The following EIF2AK3 variants were observed in gnomAD, a reference collection of about 807,000 sequenced individuals.
EIF2AK3 encodes the protein eukaryotic translation initiation factor 2-alpha kinase 3.
EIF2AK3 carries 50 observed loss-of-function variants against 113.5 expected under a neutral mutation model. The ratio of observed to expected loss-of-function variants is 0.44; its 90% confidence interval spans 0.35 to 0.56. EIF2AK3 has a LOEUF of 0.56. Among genes scored for constraint, EIF2AK3 ranks in the 20% least tolerant of loss-of-function variants. EIF2AK3 has a pLI of 0.00. For synonymous variants in EIF2AK3, 448 were observed against 495.4 expected (o/e 0.90, Z 1.27); for missense variants, 1,185 against 1,378.0 (o/e 0.86, Z 2.22).
rs533135276 is a variant in EIF2AK3, at chr2:88,557,371, CAG to C, written c.*363_*364del. 89 of 241,418 alleles carry C rather than the reference CAG, an allele frequency of 3.7e-4. No homozygotes were observed. Among genetic ancestry groups the C allele is most frequent in the South Asian group, 5.1e-4 (8 of 15,740 alleles). The allele number at this position is 241,418 out of a possible 1,614,324, so 15.0% of individuals were successfully genotyped here. A position where few individuals can be genotyped will look rare whatever the true frequency, so the allele number is the denominator to read the frequency against. On this transcript the variant is annotated 3_prime_UTR_variant, in exon 17 of 17. Coordinates refer to ENST00000303236, the MANE Select transcript of EIF2AK3 (RefSeq NM_004836.7). ...TTTCTAGAACAATACAGTTACCACA[CAG>C]GGGGACTTTCCTTCTTCTGCATTAT...
At chr2:88,612,745 A>C (rs1329293896) in intron 2 of EIF2AK3, among the ~76,000 whole-genome samples, 1 of 152,198 alleles carries the variant, frequency 6.6e-6, no homozygotes, top group Non-Finnish European at 1.5e-5. Context: ...ACCAATATTC[A>C]GGTCATTCTC....
chr2:88,626,850 C>T, intron 1 of EIF2AK3, 117 bp downstream of exon 1: 9 of 1,380,572 alleles, frequency 6.5e-6, no homozygotes, highest in South Asian at 1.3e-5. Context: ...CGCCAGCTGC[C>T]CTCCGCAGCC....
At chr2:88,589,164 A>G (rs1298998316) in intron 6 of EIF2AK3, among the ~76,000 whole-genome samples, 2 of 152,238 alleles carry the variant, frequency 1.3e-5, no homozygotes, top group African/African-American at 4.8e-5. Flanking sequence ...TTCCAGTAGA[A>G]AAATTCAAAG....
At chr2:88,593,834 A>G (rs1433560283) in intron 3 of EIF2AK3, 1 of 941,462 alleles carries the variant, frequency 1.1e-6, no homozygotes, top group Non-Finnish European at 1.3e-6. Context: ...TGTATTCAAA[A>G]GTAACTGCCT....
Position 88,557,539 on chromosome 2 carries a change from T to C in EIF2AK3, c.*197A>G. 1 of 626,002 alleles carries C rather than the reference T, an allele frequency of 1.6e-6. No homozygotes were observed. 38.8% of individuals were successfully genotyped at this position (626,002 alleles called of 1,614,324 possible). A position where few individuals can be genotyped will look rare whatever the true frequency, so the allele number is the denominator to read the frequency against. ...CAAAGAACAAAGATAGCCCTTTCCTTAAGTATAGCAAAACTCAGGAGTTGG... is the reference window on the plus strand; with the variant it reads ...CAAAGAACAAAGATAGCCCTTTCCTCAAGTATAGCAAAACTCAGGAGTTGG... On this transcript the variant is annotated 3_prime_UTR_variant, in exon 17 of 17. Coordinates refer to ENST00000303236, the MANE Select transcript of EIF2AK3 (RefSeq NM_004836.7).
At chr2:88,587,593 C>T (rs1161729759) in intron 8 of EIF2AK3, among the ~76,000 whole-genome samples, 1 of 152,118 alleles carries the variant, frequency 6.6e-6, no homozygotes, top group Non-Finnish European at 1.5e-5. Flanking sequence ...ATACAGCCTA[C>T]ATAATATAGT....
intron 16 of EIF2AK3, 21 bp downstream of exon 16, chr2:88,558,896 A>C: frequency 6.4e-7 from 1 of 1,557,110 alleles, no homozygotes; most frequent in South Asian, 1.1e-5. Flanking sequence ...AAAGAAGATA[A>C]AAGATGAGAA....
In EIF2AK3 at chr2:88,588,786, T is replaced by C; in HGVS notation, c.1281A>G (p.Pro427=). Residue 427 remains proline (P), a synonymous_variant, in exon 7 of 17, where the codon CCA becomes CCG. Coordinates refer to ENST00000303236, the MANE Select transcript of EIF2AK3 (RefSeq NM_004836.7). ...VTNENAIIPL[P]TIKWKPLIHS... ...GAATTAAGGGTTTCCATTTGATTGTTGGTAAAGGAATAATTGCGTTTTCAT... is the reference window on the plus strand; with the variant it reads ...GAATTAAGGGTTTCCATTTGATTGTCGGTAAAGGAATAATTGCGTTTTCAT... 4 of 1,613,798 alleles carry C rather than the reference T, an allele frequency of 2.5e-6. No individual in the cohort carries two copies. The highest frequency in any genetic ancestry group is 3.4e-6 in the Non-Finnish European group (4 of 1,179,844).
chr2:88,626,911 C>T (rs1675876655), intron 1 of EIF2AK3, 56 bp downstream of exon 1: 2 of 1,597,616 alleles, frequency 1.3e-6, no homozygotes, highest in Admixed American at 3.4e-5. Flanking sequence ...TACACCGCAT[C>T]CTCCGCGGCT....
At chr2:88,583,374 A>T in intron 10 of EIF2AK3, 56 bp downstream of exon 10, 2 of 1,389,392 alleles carry the variant, frequency 1.4e-6, no homozygotes, top group South Asian at 1.2e-5. Flanking sequence ...AAGTTAAACA[A>T]GATCTTAGGT....
chr2:88,565,582 T>G (rs1327790497), intron 14 of EIF2AK3, among the ~76,000 whole-genome samples: 1 of 151,352 alleles, frequency 6.6e-6, no homozygotes, highest in African/African-American at 2.4e-5. Context: ...GCTCAAGCAA[T>G]CCACCTGTCC....
chr2:88,590,840 C>T lies in EIF2AK3; in HGVS notation c.980G>A (p.Gly327Glu). 6.2e-7 allele frequency: 1 copy of T among 1,614,052 alleles called. No homozygotes were observed. Among genetic ancestry groups the T allele is most frequent in the Non-Finnish European group, 8.5e-7 (1 of 1,179,964 alleles). Residue 327 changes from glycine to glutamate, a missense_variant, in exon 5 of 17, where the codon GGA (glycine) becomes GAA (glutamate). Around this residue, in one of 3 missense-constraint regions of EIF2AK3, gnomAD observed 877 missense variants for 1,024.2 expected, o/e 0.86. Coordinates refer to ENST00000303236, the MANE Select transcript of EIF2AK3 (RefSeq NM_004836.7). ...TACCTGGTACTCCCATTCCAGATGT[C>T]CTCCCTTCTTACTGAATGCCATAAC... Reference protein sequence around the residue: ...WKVMAFSKKGGHLEWEYQFCT... With the variant: ...WKVMAFSKKGEHLEWEYQFCT...
At position 88,557,793 on chromosome 2, in the gene EIF2AK3, C is replaced by T. The variant is rs572234262; in HGVS notation, c.3294G>A (p.Ser1098=). 18 of 1,614,082 alleles carry T rather than the reference C, an allele frequency of 1.1e-5. No homozygotes were observed. The highest frequency in any genetic ancestry group is 1.6e-4 in the Middle Eastern group (1 of 6,062). ...LRQRSRSLSS[S]GTKHSRQSNN... Reference sequence around the variant, plus strand: ...TGGACTGTCTTGAATGTTTTGTTCCCGATGAACTCAAGGAGCGAGACCTCT... The same window carrying T: ...TGGACTGTCTTGAATGTTTTGTTCCTGATGAACTCAAGGAGCGAGACCTCT... Residue 1098 remains serine, a synonymous_variant, in exon 17 of 17, where the codon TCG becomes TCA. Coordinates refer to ENST00000303236, the MANE Select transcript of EIF2AK3 (RefSeq NM_004836.7).
At position 88,595,936 on chromosome 2, in the gene EIF2AK3, C is replaced by A. The variant is rs1042653327; in HGVS notation, c.439-273G>T. On this transcript the variant is annotated intron_variant, in intron 2 of 16. Coordinates refer to ENST00000303236, the MANE Select transcript of EIF2AK3 (RefSeq NM_004836.7). The stretch of plus-strand genomic sequence containing the variant: ...TTTCTCAAACTCAGTTTACCATGGG[C>A]CAAAAGGGTCCCATAATGGTAGGTG... 7.9e-4 allele frequency: 379 copies of A among 481,944 alleles called. 1 individual carries two copies. Among genetic ancestry groups the A allele is most frequent in the Non-Finnish European group, 1.2e-3 (333 of 266,582 alleles). 29.9% of individuals were successfully genotyped at this position (481,944 alleles called of 1,614,324 possible).
chr2:88,564,169 C>A lies in EIF2AK3; in HGVS notation c.2986-1779G>T, dbSNP rs77162501. 1.7e-3 allele frequency among the ~76,000 whole-genome samples: 255 copies of A among 152,228 alleles called. 2 individuals carry two copies. The highest frequency in any genetic ancestry group is 6.0e-3 in the African/African-American group (251 of 41,524). Reference sequence around the variant, plus strand: ...ATCTAGAACTTAACCTGTGTTTCTTCGTAATTACAACCAAGAACAAAGTAA... The same window carrying A: ...ATCTAGAACTTAACCTGTGTTTCTTAGTAATTACAACCAAGAACAAAGTAA... On this transcript the variant is annotated intron_variant, in intron 14 of 16. Coordinates refer to ENST00000303236, the MANE Select transcript of EIF2AK3 (RefSeq NM_004836.7).
At chr2:88,601,352 G>C (rs1029894007) in intron 2 of EIF2AK3, among the ~76,000 whole-genome samples, 1 of 152,220 alleles carries the variant, frequency 6.6e-6, no homozygotes, top group Non-Finnish European at 1.5e-5. Flanking sequence ...TGCAGGTTCA[G>C]TTGTTTTGAC....
rs145982613 is a variant in EIF2AK3, at chr2:88,557,757, A to T, written c.3330T>A (p.His1110Gln). Reference sequence around the variant, plus strand: ...AAGGCTAATTGCTTGGCAAAGGGCTATGGGAGTTGTTGGACTGTCTTGAAT... The same window carrying T: ...AAGGCTAATTGCTTGGCAAAGGGCTTTGGGAGTTGTTGGACTGTCTTGAAT... Reference protein sequence around the residue: ...TKHSRQSNNSHSPLPSN With the variant: ...TKHSRQSNNSQSPLPSN Residue 1110 changes from histidine to glutamine, a missense_variant, in exon 17 of 17, where the codon CAT becomes CAA. This residue lies in a region of EIF2AK3 where 877 missense variants were observed against 1,024.2 expected (regional missense o/e 0.86). Coordinates refer to ENST00000303236, the MANE Select transcript of EIF2AK3 (RefSeq NM_004836.7). 32 of 1,614,132 alleles carry T rather than the reference A, an allele frequency of 2.0e-5. No individual in the cohort carries two copies. The African/African-American group carries it at 3.7e-4, about 19-fold the overall frequency.
intron 14 of EIF2AK3, among the ~76,000 whole-genome samples, chr2:88,564,706 GTGT>G (rs1217627577): frequency 1.3e-5 from 2 of 152,144 alleles, no homozygotes; most frequent in African/African-American, 4.8e-5. Context: ...CACATTCTAG[GTGT>G]TGTTTCAGGT....
At position 88,583,341 on chromosome 2, in the gene EIF2AK3, T is replaced by G. The variant is rs1429002033; in HGVS notation, c.1763+89A>C. 4.8e-5 allele frequency: 45 copies of G among 940,046 alleles called. No individual in the cohort carries two copies. The South Asian group carries it at 6.3e-4, about 13-fold the overall frequency. 58.2% of individuals were successfully genotyped at this position (940,046 alleles called of 1,614,324 possible). A position where few individuals can be genotyped will look rare whatever the true frequency, so the allele number is the denominator to read the frequency against. ...GGGTTAAGCCTATGTTTTATTTTTC[T>G]AGATATCCACACATTAAAAAAAAAG... On this transcript the variant is annotated intron_variant, in intron 10 of 16. Transcript: ENST00000303236.
Sources: gnomAD v4.1 joint callset for allele counts (sites outside exome capture counted in the v4.1 genomes callset) on GRCh38, gnomAD v4.1.1 for gene constraint, gnomAD v4.1.1 regional missense constraint, MANE v1.5 for transcripts, NCBI Gene and HGNC (gene_info 2026-07-23, HGNC 2026-07-21) for gene names.